The following CWC22 variants were observed in gnomAD, a reference collection of about 807,000 sequenced individuals.
CWC22 encodes the protein pre-mRNA-splicing factor CWC22 homolog.
CWC22 carries 53 observed loss-of-function variants against 117.2 expected under a neutral mutation model. The observed-to-expected ratio is 0.45, with a 90% CI of 0.36 to 0.57. The LOEUF (loss-of-function observed/expected upper bound fraction) is 0.57. CWC22 is among the 20% of genes least tolerant of loss of function. The probability of loss-of-function intolerance (pLI) is 0.00; values close to 1 mark genes in which losing one functional copy is unlikely to be tolerated. For missense variants in CWC22, 980 were observed against 1,068.8 expected (o/e 0.92, Z 1.16); for synonymous variants, 360 against 355.6 (o/e 1.01, Z -0.14).
At chr2:179,966,948 A>AAT (rs1686906102) in intron 11 of CWC22, among the ~76,000 whole-genome samples, 2 of 152,372 alleles carry the variant, frequency 1.3e-5, no homozygotes, top group South Asian at 4.1e-4. Context: ...ATCATTTTAC[A>AAT]AAAATGAAGA....
intron 19 of CWC22, among the ~76,000 whole-genome samples, chr2:179,947,837 C>T (rs1322881982): frequency 6.6e-6 from 1 of 152,082 alleles, no homozygotes; most frequent in Non-Finnish European, 1.5e-5. Flanking sequence ...TTTAAGGCTA[C>T]AGAGGAAAGT....
At chr2:179,968,416 T>G (rs1275943536) in intron 11 of CWC22, among the ~76,000 whole-genome samples, 1 of 152,116 alleles carries the variant, frequency 6.6e-6, no homozygotes. Flanking sequence ...AACAACCTAC[T>G]GCAATAGATT....
rs765818522 is a variant in CWC22 at position 179,970,781 on chromosome 2, A to T, written c.1016T>A (p.Met339Lys). Residue 339 changes from methionine to lysine, a missense_variant, in exon 10 of 20, where the codon ATG (methionine) becomes AAG (lysine). Physicochemically the swap from Met to Lys is moderately conservative, Grantham distance 95. Around this residue, in one of 3 missense-constraint regions of CWC22, gnomAD observed 559 missense variants for 602.3 expected, o/e 0.93. Coordinates refer to ENST00000410053, the MANE Select transcript of CWC22 (RefSeq NM_020943.3). ...DKRVQYMIEV[M>K]FAVRKDGFKD... ...GAATCCATCTTTCCGTACAGCAAACATCACTTCAATCATATATTGAACTCT... is the reference window on the plus strand; with the variant it reads ...GAATCCATCTTTCCGTACAGCAAACTTCACTTCAATCATATATTGAACTCT... The T allele has an allele frequency of 6.2e-7, 1 of 1,613,816 alleles. No homozygotes were observed. The highest frequency in any genetic ancestry group is 2.2e-5 in the East Asian group (1 of 44,850).
At chr2:179,987,535 C>T (rs1263277987) in intron 3 of CWC22, among the ~76,000 whole-genome samples, 1 of 151,790 alleles carries the variant, frequency 6.6e-6, no homozygotes, top group Non-Finnish European at 1.5e-5. Flanking sequence ...AGTAGACAAT[C>T]GGTGAAAGAT....
At chr2:179,959,870 T>C (rs78840502) in intron 13 of CWC22, among the ~76,000 whole-genome samples, 4,732 of 152,072 alleles carry the variant, frequency 0.031, 141 homozygotes, top group East Asian at 0.17. Context: ...TTTAAAAGGG[T>C]GAGTATCATA....
At chr2:179,960,666 A>G (rs1686728813) in intron 13 of CWC22, among the ~76,000 whole-genome samples, 1 of 152,096 alleles carries the variant, frequency 6.6e-6, no homozygotes, top group African/African-American at 2.4e-5. Context: ...AGACTTAGGT[A>G]TTAGTATTTG....
At chr2:179,959,772 G>A (rs553089280) in intron 13 of CWC22, among the ~76,000 whole-genome samples, 2 of 152,074 alleles carry the variant, frequency 1.3e-5, no homozygotes, top group East Asian at 3.9e-4. Context: ...TAAAAATATG[G>A]TATTATAATC....
intron 8 of CWC22, among the ~76,000 whole-genome samples, chr2:179,972,621 G>T (rs1006253262): frequency 1.3e-5 from 2 of 152,156 alleles, no homozygotes; most frequent in African/African-American, 2.4e-5. Context: ...CAAAGGAATG[G>T]TTTGCAGTCA....
chr2:179,965,664 C>T (rs1286779634), intron 12 of CWC22, among the ~76,000 whole-genome samples: 1 of 152,158 alleles, frequency 6.6e-6, no homozygotes, highest in African/African-American at 2.4e-5. Context: ...TCAGTCTTGG[C>T]AATACTGGCA....
At chr2:179,998,616 T>G (rs1687768390) in intron 1 of CWC22, among the ~76,000 whole-genome samples, 1 of 152,146 alleles carries the variant, frequency 6.6e-6, no homozygotes, top group Non-Finnish European at 1.5e-5. Flanking sequence ...GTACAGACTC[T>G]ACTATACAGA....
At chr2:179,975,366 C>T (rs1042712349) in intron 6 of CWC22, among the ~76,000 whole-genome samples, 5 of 152,076 alleles carry the variant, frequency 3.3e-5, no homozygotes, top group Admixed American at 1.3e-4. Context: ...AGCTTTTCCT[C>T]TAGGATCAGG....
chr2:179,991,260 T>C (rs1687560386), intron 2 of CWC22, among the ~76,000 whole-genome samples: 1 of 150,300 alleles, frequency 6.7e-6, no homozygotes, highest in Admixed American at 6.7e-5. Flanking sequence ...CTGGAAGAGG[T>C]AGGAGCTTGC....
At position 179,973,202 on chromosome 2, in the gene CWC22, G is replaced by A; in HGVS notation, c.795C>T (p.Asn265=). ...TASKFVAHLI[N]QNVAHEVLCL... Reference sequence around the variant, plus strand: ...GAAGATAATTACTTACCACATTTTGGTTAATAAGATGCGCCACAAATTTTG... The same window carrying A: ...GAAGATAATTACTTACCACATTTTGATTAATAAGATGCGCCACAAATTTTG... The change falls in exon 8 of 20, where the codon AAC becomes AAT. Residue 265 remains asparagine, a synonymous_variant. Transcript: ENST00000410053. 2 of 1,599,036 alleles carry A rather than the reference G, an allele frequency of 1.3e-6. No individual in the cohort carries two copies. Among genetic ancestry groups the A allele is most frequent in the South Asian group, 1.1e-5 (1 of 88,230 alleles).
chr2:179,990,488 A>G (rs1417861372), intron 2 of CWC22, among the ~76,000 whole-genome samples: 1 of 151,664 alleles, frequency 6.6e-6, no homozygotes. Flanking sequence ...AAAGATTTCT[A>G]TGATTAAACA....
intron 8 of CWC22, among the ~76,000 whole-genome samples, chr2:179,971,441 A>G (rs1228723121): frequency 6.6e-6 from 1 of 152,216 alleles, no homozygotes; most frequent in Non-Finnish European, 1.5e-5. Flanking sequence ...TTTCATAATT[A>G]CTACATAAGA....
chr2:179,966,512 T>A (rs1018109812), intron 11 of CWC22, among the ~76,000 whole-genome samples: 1 of 152,160 alleles, frequency 6.6e-6, no homozygotes, highest in Admixed American at 6.5e-5. Flanking sequence ...AAATTGAACA[T>A]TACAATAAAT....
chr2:179,957,224 C>T (rs549713660), intron 14 of CWC22, among the ~76,000 whole-genome samples: 3 of 151,986 alleles, frequency 2.0e-5, no homozygotes, highest in South Asian at 2.1e-4. Flanking sequence ...GCATATCAAG[C>T]GTGGCCAGTG....
chr2:180,005,833 C>T (rs898651763), intron 1 of CWC22, among the ~76,000 whole-genome samples: 1 of 152,186 alleles, frequency 6.6e-6, no homozygotes, highest in Admixed American at 6.5e-5. Context: ...GATGATGAAG[C>T]TGACACTAGA....
chr2:179,995,365 C>T (rs1291793715), intron 1 of CWC22, among the ~76,000 whole-genome samples: 1 of 152,142 alleles, frequency 6.6e-6, no homozygotes, highest in Non-Finnish European at 1.5e-5. Context: ...TGCCCCTCTA[C>T]CTTAAACAGT....
Sources: allele counts gnomAD v4.1 joint callset (sites outside exome capture counted in the v4.1 genomes callset), GRCh38; gene constraint gnomAD v4.1.1; regional missense constraint gnomAD v4.1.1; transcripts MANE v1.5; gene names NCBI Gene and HGNC (gene_info 2026-07-23, HGNC 2026-07-21).